The following LSAMP variants were observed in gnomAD, a reference collection of about 807,000 sequenced individuals.
LSAMP encodes the protein limbic system associated membrane protein, also known as limbic system-associated membrane protein.
A neutral mutation model predicts 38.6 loss-of-function variants in LSAMP; 7 were observed. The observed-to-expected ratio is 0.18, with a 90% CI of 0.10 to 0.34. LSAMP has a LOEUF of 0.34. LSAMP is among the 10% of genes least tolerant of loss of function. The pLI, the probability that LSAMP is intolerant of heterozygous loss-of-function variation, is 1.00. For missense variants in LSAMP, 313 were observed against 420.0 expected (o/e 0.75, Z 2.23); for synonymous variants, 154 against 166.8 (o/e 0.92, Z 0.59).
intron 3 of LSAMP, among the ~76,000 whole-genome samples, chr3:115,955,726 G>C (rs1382061786): frequency 6.6e-6 from 1 of 152,168 alleles, no homozygotes; most frequent in Non-Finnish European, 1.5e-5. Flanking sequence ...AGCAGCAAAA[G>C]AAAACCTCTC....
intron 1 of LSAMP, among the ~76,000 whole-genome samples, chr3:116,382,209 T>C (rs893595144): frequency 1.3e-5 from 2 of 152,188 alleles, no homozygotes; most frequent in Middle Eastern, 3.4e-3. Flanking sequence ...TGCACACGTA[T>C]GTTTTTGTGG....
At chr3:115,938,520 T>G (rs1937787240) in intron 3 of LSAMP, among the ~76,000 whole-genome samples, 1 of 152,170 alleles carries the variant, frequency 6.6e-6, no homozygotes, top group Non-Finnish European at 1.5e-5. Flanking sequence ...GTAAACTATG[T>G]TTACGACCTT....
intron 1 of LSAMP, among the ~76,000 whole-genome samples, chr3:116,117,900 C>T (rs886800470): frequency 1.3e-5 from 2 of 151,828 alleles, no homozygotes; most frequent in South Asian, 2.1e-4. Context: ...TGTGAAGTTA[C>T]GATTGGTATG....
Position 116,272,914 on chromosome 3 carries a change from T to C in LSAMP, c.155+171963A>G, listed in dbSNP as rs576192699. On this transcript the variant is annotated intron_variant, in intron 1 of 6. Transcript: ENST00000490035. ...TCTATTCTTTTATGAAACGAGCATTTTGGGCATAAATAACCTTTCAGAGTC... is the reference window on the plus strand; with the variant it reads ...TCTATTCTTTTATGAAACGAGCATTCTGGGCATAAATAACCTTTCAGAGTC... Among the ~76,000 whole-genome samples, 4 of 152,274 alleles carry C rather than the reference T, an allele frequency of 2.6e-5. No homozygotes were observed. In the East Asian group the frequency reaches 7.7e-4, roughly 29 times the overall value.
At chr3:116,417,385 CT>C (rs1559860943) in intron 1 of LSAMP, among the ~76,000 whole-genome samples, 1 of 152,188 alleles carries the variant, frequency 6.6e-6, no homozygotes, top group East Asian at 1.9e-4. Context: ...GCTGTCCATG[CT>C]GGAGGATGGC....
chr3:115,904,802 T>C (rs1395814423), intron 3 of LSAMP, among the ~76,000 whole-genome samples: 1 of 152,116 alleles, frequency 6.6e-6, no homozygotes, highest in Non-Finnish European at 1.5e-5. Flanking sequence ...CTTCCTATTG[T>C]GCTGTTGTTG....
chr3:116,049,489 C>T (rs538245613), intron 2 of LSAMP, among the ~76,000 whole-genome samples: 2 of 152,242 alleles, frequency 1.3e-5, no homozygotes, highest in East Asian at 1.9e-4. Context: ...AAGATATTTG[C>T]CTTTCAAACT....
At chr3:116,145,609 C>A (rs1403722429) in intron 1 of LSAMP, among the ~76,000 whole-genome samples, 1 of 151,910 alleles carries the variant, frequency 6.6e-6, no homozygotes, top group African/African-American at 2.4e-5. Flanking sequence ...CCAAAAAATA[C>A]CTTCACAGCA....
intron 1 of LSAMP, among the ~76,000 whole-genome samples, chr3:116,206,201 G>C (rs746742495): frequency 6.7e-6 from 1 of 148,320 alleles, no homozygotes; most frequent in East Asian, 2.0e-4. Context: ...AGAGGTGTTT[G>C]TAGTATTCTC....
chr3:116,293,079 T>A (rs1422765287), intron 1 of LSAMP, among the ~76,000 whole-genome samples: 1 of 152,198 alleles, frequency 6.6e-6, no homozygotes, highest in Non-Finnish European at 1.5e-5. Flanking sequence ...ATATGTACCA[T>A]AATTTTCTTC....
intron 1 of LSAMP, among the ~76,000 whole-genome samples, chr3:116,411,487 G>T (rs2048976521): frequency 6.6e-6 from 1 of 151,682 alleles, no homozygotes; most frequent in Non-Finnish European, 1.5e-5. Context: ...GGACATGGAT[G>T]AAATTGGAAA....
chr3:116,301,441 T>C (rs970013165), intron 1 of LSAMP, among the ~76,000 whole-genome samples: 2 of 152,186 alleles, frequency 1.3e-5, no homozygotes, highest in Non-Finnish European at 2.9e-5. Flanking sequence ...AGAACACTTA[T>C]AATCAAGGAA....
intron 1 of LSAMP, among the ~76,000 whole-genome samples, chr3:116,220,566 G>T (rs1043573910): frequency 6.6e-6 from 1 of 152,152 alleles, no homozygotes; most frequent in African/African-American, 2.4e-5. Context: ...CCAAGCATTG[G>T]AGATGGCACA....
At chr3:115,918,775 C>T (rs1047655351) in intron 3 of LSAMP, among the ~76,000 whole-genome samples, 1 of 145,630 alleles carries the variant, frequency 6.9e-6, no homozygotes, top group African/African-American at 2.5e-5. Context: ...GTACTCTTAA[C>T]TGTCTCAAAA....
Position 116,444,997 on chromosome 3 carries a change from A to T in LSAMP, c.35T>A (p.Leu12Ter). Reference sequence around the variant, plus strand: ...GAGCAATCTCAGTAGGACCAGTGGCAACTGTTTCCGATCCGGCTGAACTCT... The same window carrying T: ...GAGCAATCTCAGTAGGACCAGTGGCTACTGTTTCCGATCCGGCTGAACTCT... The part of the protein sequence containing the change: ...VRRVQPDRKQ[L>*]PLVLLRLLCL... Residue 12 changes from leucine (L) to a stop codon, truncating the protein, a stop_gained, in exon 1 of 7, where the codon TTG becomes TAG. Transcript: ENST00000490035. LOFTEE classifies it high-confidence loss of function. 1 of 1,613,962 alleles carries T rather than the reference A, an allele frequency of 6.2e-7. No individual in the cohort carries two copies. Among genetic ancestry groups the T allele is most frequent in the Non-Finnish European group, 8.5e-7 (1 of 1,179,966 alleles).
intron 1 of LSAMP, among the ~76,000 whole-genome samples, chr3:116,321,084 G>T (rs1576125531): frequency 6.6e-6 from 1 of 152,190 alleles, no homozygotes; most frequent in East Asian, 1.9e-4. Flanking sequence ...AGTATATAAA[G>T]AATAGTTGCC....
At chr3:116,042,953 T>C (rs535851421) in intron 2 of LSAMP, among the ~76,000 whole-genome samples, 20 of 152,262 alleles carry the variant, frequency 1.3e-4, no homozygotes, top group Middle Eastern at 3.4e-3. Flanking sequence ...AATCTATCCC[T>C]GATCTGTTTG....
intron 1 of LSAMP, among the ~76,000 whole-genome samples, chr3:116,391,423 G>A (rs952130350): frequency 6.6e-6 from 1 of 152,162 alleles, no homozygotes; most frequent in Non-Finnish European, 1.5e-5. Context: ...CGCCACTCTC[G>A]CCTGCTGCTG....
chr3:116,199,880 G>A (rs577857161), intron 1 of LSAMP, among the ~76,000 whole-genome samples: 1 of 152,190 alleles, frequency 6.6e-6, no homozygotes, highest in Admixed American at 6.5e-5. Context: ...GAAAAATAAG[G>A]AAAGGTGAAT....
Sources: gnomAD v4.1 joint callset for allele counts (sites outside exome capture counted in the v4.1 genomes callset) on GRCh38, gnomAD v4.1.1 for gene constraint, MANE v1.5 for transcripts, NCBI Gene and HGNC (gene_info 2026-07-23, HGNC 2026-07-21) for gene names.